The following RBFOX3 variants were observed in gnomAD, a reference collection of about 807,000 sequenced individuals.
RBFOX3 encodes RNA binding protein fox-1 homolog 3.
Under a neutral mutation model 48.7 loss-of-function variants are expected in RBFOX3, and 17 were observed. That is an observed-to-expected ratio of 0.35 (90% CI 0.24 to 0.52). The LOEUF (loss-of-function observed/expected upper bound fraction) is 0.52. Among genes scored for constraint, RBFOX3 ranks in the 20% least tolerant of loss-of-function variants. RBFOX3 has a pLI of 0.94. For missense variants in RBFOX3, 382 were observed against 497.5 expected (o/e 0.77, Z 2.21); for synonymous variants, 212 against 209.5 (o/e 1.01, Z -0.10).
At chr17:79,461,004 A>C (rs1555748443) in intron 2 of RBFOX3, among the ~76,000 whole-genome samples, 1 of 152,168 alleles carries the variant, frequency 6.6e-6, no homozygotes, top group Admixed American at 6.5e-5. Flanking sequence ...TTCTTGCCAG[A>C]AAACTTCTGT....
intron 4 of RBFOX3, among the ~76,000 whole-genome samples, chr17:79,156,697 G>C (rs2045882711): frequency 6.6e-6 from 1 of 152,240 alleles, no homozygotes; most frequent in African/African-American, 2.4e-5. Flanking sequence ...GCATCACTGA[G>C]GAGTTGCAGC....
intron 2 of RBFOX3, among the ~76,000 whole-genome samples, chr17:79,394,967 G>A (rs1193275324): frequency 2.0e-5 from 3 of 152,216 alleles, no homozygotes; most frequent in African/African-American, 7.2e-5. Flanking sequence ...GTGCCAGAAG[G>A]GTGGATGAGA....
intron 2 of RBFOX3, among the ~76,000 whole-genome samples, 156 bp from the exon 3 acceptor site, chr17:79,307,980 C>T (rs575843284): frequency 2.0e-5 from 3 of 152,276 alleles, no homozygotes; most frequent in South Asian, 4.1e-4. Flanking sequence ...AACAGGAATG[C>T]GTTAGGCTGG....
intron 1 of RBFOX3, among the ~76,000 whole-genome samples, chr17:79,564,522 G>A (rs1436603922): frequency 6.6e-6 from 1 of 152,158 alleles, no homozygotes; most frequent in African/African-American, 2.4e-5. Flanking sequence ...GGAGCCTCAA[G>A]AACATTTATA....
rs576121788 is a variant in RBFOX3 at position 79,247,438 on chromosome 17, G to A, written c.-73-11633C>T. Among the ~76,000 whole-genome samples the A allele has an allele frequency of 6.2e-4, 92 of 149,372 alleles. 2 individuals carry two copies. The highest frequency in any genetic ancestry group is 3.4e-4 in the Admixed American group (5 of 14,686). On this transcript the variant is annotated intron_variant, in intron 3 of 14. Transcript: ENST00000693108. Reference sequence around the variant, plus strand: ...AATGGTTTTCCTGTCTCAGCCTCCCGAGTAGCTGGGATTACAGGTGTGCAC... The same window carrying A: ...AATGGTTTTCCTGTCTCAGCCTCCCAAGTAGCTGGGATTACAGGTGTGCAC...
At chr17:79,545,937 T>TGTGTGTGTGTGCAC (rs2090368972) in intron 1 of RBFOX3, among the ~76,000 whole-genome samples, 1 of 150,298 alleles carries the variant, frequency 6.7e-6, no homozygotes, top group African/African-American at 2.5e-5. Flanking sequence ...TTGGAAAGAC[T>TGTGTGTGTGTGCAC]GTGTGTGTGT....
At chr17:79,206,548 C>T (rs768753022) in intron 4 of RBFOX3, among the ~76,000 whole-genome samples, 17 of 77,430 alleles carry the variant, frequency 2.2e-4, no homozygotes, top group African/African-American at 3.6e-4. Flanking sequence ...TGGGCGGGAG[C>T]GGATGCCTCC....
chr17:79,656,227 T>A, the RBFOX3 span, among the ~76,000 whole-genome samples: 1 of 152,182 alleles, frequency 6.6e-6, no homozygotes, highest in Non-Finnish European at 1.5e-5. Flanking sequence ...TCTGGTCACA[T>A]TGTCTCTCCT....
intron 2 of RBFOX3, among the ~76,000 whole-genome samples, chr17:79,462,599 C>T (rs2075525123): frequency 6.6e-6 from 1 of 152,206 alleles, no homozygotes; most frequent in Non-Finnish European, 1.5e-5. Context: ...GGGATTGCTA[C>T]TGCCTCCAGT....
intron 1 of RBFOX3, among the ~76,000 whole-genome samples, chr17:79,543,598 C>T (rs1286187705): frequency 6.6e-6 from 1 of 152,164 alleles, no homozygotes; most frequent in East Asian, 1.9e-4. Flanking sequence ...CCTCCTTGAT[C>T]AGGGCCTCCG....
At chr17:79,187,439 G>A (rs1292530410) in intron 4 of RBFOX3, among the ~76,000 whole-genome samples, 1 of 152,180 alleles carries the variant, frequency 6.6e-6, no homozygotes, top group Admixed American at 6.5e-5. Flanking sequence ...GCTTGGCCGC[G>A]CCAAGCCGAG....
intron 12 of RBFOX3, 24 bp downstream of exon 12, chr17:79,096,628 TC>T: frequency 4.8e-6 from 3 of 622,812 alleles, no homozygotes; most frequent in Non-Finnish European, 8.5e-6. Context: ...GATCCCACCC[TC>T]CCTCCCGGCG....
intron 2 of RBFOX3, among the ~76,000 whole-genome samples, chr17:79,388,001 C>CATGT (rs144305568): frequency 7.3e-4 from 110 of 151,372 alleles, no homozygotes; most frequent in African/African-American, 2.3e-3. Context: ...TGAATGTGTA[C>CATGT]GTGTGTGTGT....
intron 2 of RBFOX3, among the ~76,000 whole-genome samples, chr17:79,369,842 G>A (rs2058284766): frequency 6.6e-6 from 1 of 152,132 alleles, no homozygotes; most frequent in African/African-American, 2.4e-5. Flanking sequence ...TCTATCCCCT[G>A]GCCTTGTCCC....
chr17:79,197,640 C>A (rs1454925817), intron 4 of RBFOX3, among the ~76,000 whole-genome samples: 1 of 152,030 alleles, frequency 6.6e-6, no homozygotes, highest in Non-Finnish European at 1.5e-5. Context: ...AGTGATCCGC[C>A]CACCTCGGCC....
chr17:79,117,823 G>A (rs1240458690), intron 4 of RBFOX3, among the ~76,000 whole-genome samples: 1 of 152,224 alleles, frequency 6.6e-6, no homozygotes, highest in Non-Finnish European at 1.5e-5. Flanking sequence ...CTGCTGGTGG[G>A]GCCTGCAGTC....
At chr17:79,380,261 T>C (rs1325804360) in intron 2 of RBFOX3, among the ~76,000 whole-genome samples, 1 of 152,244 alleles carries the variant, frequency 6.6e-6, no homozygotes, top group Non-Finnish European at 1.5e-5. Context: ...GCAGAAGGAT[T>C]TAATTGCATG....
chr17:79,228,188 G>A (rs139572477), intron 4 of RBFOX3, among the ~76,000 whole-genome samples: 2 of 152,100 alleles, frequency 1.3e-5, no homozygotes, highest in Admixed American at 6.5e-5. Context: ...TCACTATCTC[G>A]CCTCTCCTCC....
chr17:79,514,134 A>G (rs1185071039), intron 1 of RBFOX3, among the ~76,000 whole-genome samples: 1 of 152,028 alleles, frequency 6.6e-6, no homozygotes, highest in Non-Finnish European at 1.5e-5. Flanking sequence ...ACAGCCTCCT[A>G]CCATCTCCAC....
Sources: allele counts gnomAD v4.1 joint callset (sites outside exome capture counted in the v4.1 genomes callset), GRCh38; gene constraint gnomAD v4.1.1; transcripts MANE v1.5; gene names NCBI Gene and HGNC (gene_info 2026-07-23, HGNC 2026-07-21).